Variants in HEXB observed in about 807,000 individuals in gnomAD.
HEXB encodes the protein beta-hexosaminidase subunit beta.
Under a neutral mutation model 71.2 loss-of-function variants are expected in HEXB, and 51 were observed. The ratio of observed to expected loss-of-function variants is 0.72; its 90% CI spans 0.57 to 0.90. The LOEUF is 0.90. Ranked by LOEUF, HEXB falls within the 40% of genes least tolerant of loss-of-function variation. The probability of loss-of-function intolerance (pLI) is 0.00; values close to 1 mark genes in which losing one functional copy is unlikely to be tolerated. For missense variants in HEXB, 617 were observed against 677.0 expected (o/e 0.91, Z 0.98); for synonymous variants, 266 against 249.3 (o/e 1.07, Z -0.63).
chr5:74,683,139 C>G (rs74457157), upstream of HEXB, among the ~76,000 whole-genome samples: 7 of 152,238 alleles, frequency 4.6e-5, no homozygotes, highest in East Asian at 1.3e-3. Flanking sequence ...CTCCAGGATA[C>G]GGTGCAGGGC....
chr5:74,653,495 A>G (rs1748161555), intron 1 of HEXB, among the ~76,000 whole-genome samples: 1 of 152,206 alleles, frequency 6.6e-6, no homozygotes, highest in Non-Finnish European at 1.5e-5. Context: ...CCAAAAGCCA[A>G]CCTTCCAGGC....
intron 1 of HEXB, among the ~76,000 whole-genome samples, chr5:74,670,769 T>C (rs943844846): frequency 6.6e-6 from 1 of 152,084 alleles, no homozygotes; most frequent in Admixed American, 6.5e-5. Flanking sequence ...GATGCTGGAG[T>C]CCACTGTGGG....
chr5:74,666,031 C>T (rs1263781122), intron 1 of HEXB, among the ~76,000 whole-genome samples: 1 of 152,196 alleles, frequency 6.6e-6, no homozygotes, highest in Non-Finnish European at 1.5e-5. Context: ...CAGAGTTGTA[C>T]AGATGCCAGA....
chr5:74,702,896 G>C (rs11749240), intron 5 of HEXB, among the ~76,000 whole-genome samples: 3 of 152,094 alleles, frequency 2.0e-5, no homozygotes, highest in Non-Finnish European at 2.9e-5. Flanking sequence ...ATTTTTATCA[G>C]TGTGGACTCA....
At chr5:74,675,441 T>A (rs1441137169) in intron 1 of HEXB, among the ~76,000 whole-genome samples, 2 of 152,160 alleles carry the variant, frequency 1.3e-5, no homozygotes, top group African/African-American at 4.8e-5. Flanking sequence ...TCTTTGTCAG[T>A]TGATACATAA....
intron 1 of HEXB, among the ~76,000 whole-genome samples, chr5:74,664,765 T>A (rs970390726): frequency 1.3e-5 from 2 of 152,084 alleles, no homozygotes; most frequent in Non-Finnish European, 2.9e-5. Context: ...ATTTTCCAGC[T>A]CATCGTCCAA....
chr5:74,705,112 A>AAAT, intron 5 of HEXB, 107 bp from the exon 6 acceptor site: 2 of 608,682 alleles, frequency 3.3e-6, no homozygotes, highest in African/African-American at 1.9e-5. Flanking sequence ...AAAAAAAAAA[A>AAAT]GTTTTAAAGG....
At chr5:74,673,828 A>G (rs11747317) in intron 1 of HEXB, among the ~76,000 whole-genome samples, 30,896 of 152,122 alleles carry the variant, frequency 0.2, 3,300 homozygotes, top group East Asian at 0.25. Context: ...GCAGTTACTC[A>G]AGAAATTTCA....
intron 1 of HEXB, among the ~76,000 whole-genome samples, chr5:74,666,338 T>A (rs1748430984): frequency 7.1e-6 from 1 of 141,376 alleles, no homozygotes; most frequent in Admixed American, 6.8e-5. Flanking sequence ...CACTTAGTTG[T>A]CATTTCACAT....
chr5:74,643,554 A>G (rs574512077), intron 1 of HEXB, among the ~76,000 whole-genome samples: 62 of 152,198 alleles, frequency 4.1e-4, no homozygotes, highest in Non-Finnish European at 7.8e-4. Context: ...ACATCAAACC[A>G]AAGTCTCATT....
At chr5:74,687,857 T>C (rs891566821) in intron 1 of HEXB, among the ~76,000 whole-genome samples, 9 of 152,146 alleles carry the variant, frequency 5.9e-5, no homozygotes, top group Admixed American at 1.3e-4. Context: ...TTCCATACAC[T>C]TCCAAACATG....
rs1696980 is a variant in HEXB at position 74,662,232 on chromosome 5, A to T, written c.-377+21674A>T. Among the ~76,000 whole-genome samples the T allele has an allele frequency of 1.6e-3, 236 of 152,222 alleles. 1 individual carries two copies. The highest frequency in any genetic ancestry group is 4.3e-3 in the Admixed American group (65 of 15,290). On this transcript the variant is annotated intron_variant, in intron 1 of 13. Transcript: ENST00000511181. ...CTCATTAGACAATTTTATTTTCAGA[A>T]GTTTTTCACCTAACATTATAACATG...
chr5:74,687,314 AAC>A (rs1274085113), intron 1 of HEXB, among the ~76,000 whole-genome samples: 1 of 152,198 alleles, frequency 6.6e-6, no homozygotes, highest in African/African-American at 2.4e-5. Context: ...CGTGGTCAGG[AAC>A]ACACAGTCTA....
chr5:74,689,060 C>T (rs1748936131), intron 1 of HEXB, among the ~76,000 whole-genome samples: 1 of 152,122 alleles, frequency 6.6e-6, no homozygotes. Flanking sequence ...AACGGGGCTT[C>T]ATATGTCACT....
chr5:74,720,828 GT>G, intron 13 of HEXB, 81 bp downstream of exon 13: 1 of 1,111,218 alleles, frequency 9.0e-7, no homozygotes, highest in Non-Finnish European at 1.4e-6. Flanking sequence ...AGAAATGTAT[GT>G]TACCTAACAA....
intron 2 of HEXB, 133 bp downstream of exon 2, chr5:74,689,606 A>C (rs1748950358): frequency 1.2e-6 from 1 of 801,088 alleles, no homozygotes; most frequent in Admixed American, 1.8e-5. Flanking sequence ...TTTAAAAATA[A>C]CCTTTAAAGT....
chr5:74,713,413 C>T, intron 6 of HEXB, 93 bp from the exon 7 acceptor site: 3 of 1,188,106 alleles, frequency 2.5e-6, no homozygotes, highest in South Asian at 2.5e-5. Context: ...AAAAAATTAG[C>T]TGTCAAATAT....
intron 5 of HEXB, among the ~76,000 whole-genome samples, chr5:74,701,923 C>T (rs1749269740): frequency 6.6e-6 from 1 of 152,078 alleles, no homozygotes; most frequent in East Asian, 1.9e-4. Context: ...CACAATACTG[C>T]ATCTAATACG....
intron 1 of HEXB, among the ~76,000 whole-genome samples, chr5:74,664,092 C>T (rs1221135580): frequency 6.6e-6 from 1 of 151,630 alleles, no homozygotes; most frequent in East Asian, 1.9e-4. Context: ...CCCGTCTCTA[C>T]TAAATAAAAA....
Sources: gnomAD v4.1 joint callset for allele counts (sites outside exome capture counted in the v4.1 genomes callset) on GRCh38, gnomAD v4.1.1 for gene constraint, MANE v1.5 for transcripts, NCBI Gene and HGNC (gene_info 2026-07-23, HGNC 2026-07-21) for gene names.